Variants in RIMS1 observed in about 807,000 individuals in gnomAD.
RIMS1 encodes regulating synaptic membrane exocytosis protein 1.
A neutral mutation model predicts 214.1 loss-of-function variants in RIMS1; 83 were observed. The ratio of observed to expected loss-of-function variants is 0.39; its 90% CI spans 0.32 to 0.47. The LOEUF (loss-of-function observed/expected upper bound fraction) is 0.47. Among genes scored for constraint, RIMS1 ranks in the 20% least tolerant of loss-of-function variants. RIMS1 has a pLI of 0.99. For synonymous variants in RIMS1, 793 were observed against 786.8 expected, an observed-to-expected ratio of 1.01 and a Z score of -0.13; for missense variants, 2,050 against 2,161.8, an observed-to-expected ratio of 0.95 and a Z score of 1.03.
At chr6:72,384,629 A>G (rs12193001) in intron 29 of RIMS1, among the ~76,000 whole-genome samples, 25,805 of 152,118 alleles carry the variant, frequency 0.17, 2,696 homozygotes, top group Non-Finnish European at 0.23. Flanking sequence ...CTGTGGGAAT[A>G]TTCCAAGCTC....
At chr6:72,238,457 G>A (rs1474202354) in intron 9 of RIMS1, among the ~76,000 whole-genome samples, 1 of 152,004 alleles carries the variant, frequency 6.6e-6, no homozygotes, top group Non-Finnish European at 1.5e-5. Context: ...AGTGACTCAT[G>A]TAGATGTGCT....
intron 22 of RIMS1, among the ~76,000 whole-genome samples, chr6:72,267,626 T>C (rs1478836930): frequency 1.3e-5 from 2 of 152,150 alleles, no homozygotes; most frequent in African/African-American, 4.8e-5. Context: ...CACTTTGGAC[T>C]AACCACATTA....
chr6:72,057,147 G>A (rs889245874), intron 2 of RIMS1, among the ~76,000 whole-genome samples: 5 of 152,048 alleles, frequency 3.3e-5, no homozygotes, highest in Admixed American at 3.3e-4. Context: ...ACCTGCATTT[G>A]TACCCCAAAC....
chr6:72,171,422 A>G (rs987074664), intron 4 of RIMS1, among the ~76,000 whole-genome samples: 12 of 151,720 alleles, frequency 7.9e-5, no homozygotes, highest in African/African-American at 2.9e-4. Context: ...ATGGGAAAAA[A>G]TAATTTTCTT....
chr6:72,100,960 T>C (rs1562312280), intron 4 of RIMS1, among the ~76,000 whole-genome samples: 1 of 152,026 alleles, frequency 6.6e-6, no homozygotes, highest in Non-Finnish European at 1.5e-5. Context: ...AATCTATTTT[T>C]GGTATTTATT....
rs530974033 is a variant in RIMS1, at chr6:72,398,551, G to A, written c.4720+201G>A. ...TTATTCTTTCAGAAGGTGTTAGGAA[G>A]TATGTTATAATATTTTTTTTAAAGT... is the stretch of plus-strand genomic sequence containing the variant. On this transcript the variant is annotated intron_variant, in intron 32 of 33. Coordinates refer to ENST00000521978, the MANE Select transcript of RIMS1 (RefSeq NM_014989.7). 1.1e-3 allele frequency among the ~76,000 whole-genome samples: 172 copies of A among 152,292 alleles called. 2 individuals carry two copies. The highest frequency in any genetic ancestry group is 2.1e-3 in the South Asian group (10 of 4,828).
At chr6:72,084,897 A>G (rs1363367801) in intron 2 of RIMS1, among the ~76,000 whole-genome samples, 5 of 152,140 alleles carry the variant, frequency 3.3e-5, no homozygotes, top group Non-Finnish European at 7.4e-5. Flanking sequence ...CCAACAATAG[A>G]AAAATATACA....
At chr6:71,989,069 A>G (rs1198796165) in intron 2 of RIMS1, among the ~76,000 whole-genome samples, 1 of 152,210 alleles carries the variant, frequency 6.6e-6, no homozygotes, top group Non-Finnish European at 1.5e-5. Flanking sequence ...AGACTAATGT[A>G]TAAACAATGG....
Position 72,088,351 on chromosome 6 carries a change from C to T in RIMS1, c.246-8598C>T, listed in dbSNP as rs575754579. Among the ~76,000 whole-genome samples the T allele has an allele frequency of 2.0e-5, 3 of 152,008 alleles. No individual in the cohort carries two copies. In the South Asian group the frequency reaches 6.2e-4, roughly 32 times the overall value. On this transcript the variant is annotated intron_variant, in intron 2 of 33. Coordinates refer to ENST00000521978, the MANE Select transcript of RIMS1 (RefSeq NM_014989.7). ...GCAACCTTTGCCTCCCAGGTTCAAG[C>T]GATTCTCCTGCCTCAGCTTTCTGAG...
intron 24 of RIMS1, 74 bp from the exon 25 acceptor site, chr6:72,290,605 T>G: frequency 1.5e-6 from 2 of 1,350,672 alleles, no homozygotes; most frequent in Non-Finnish European, 2.0e-6. Context: ...CAGGTTTTCC[T>G]TGGACAAATG....
chr6:72,055,974 G>A (rs1052085458), intron 2 of RIMS1, among the ~76,000 whole-genome samples: 9 of 152,052 alleles, frequency 5.9e-5, no homozygotes, highest in African/African-American at 1.9e-4. Flanking sequence ...TATGTTCATC[G>A]CAGCAGTATT....
intron 28 of RIMS1, among the ~76,000 whole-genome samples, chr6:72,330,367 T>C (rs560237116): frequency 6.6e-6 from 1 of 151,792 alleles, no homozygotes; most frequent in South Asian, 2.1e-4. Flanking sequence ...CAGCAAAAAG[T>C]CTACAAGAAG....
At chr6:72,187,861 G>GTA (rs1173251976) in intron 6 of RIMS1, among the ~76,000 whole-genome samples, 1 of 152,100 alleles carries the variant, frequency 6.6e-6, no homozygotes, top group Admixed American at 6.6e-5. Flanking sequence ...CAGGATAGAT[G>GTA]TATATATAAA....
chr6:72,097,131 G>A lies in RIMS1; in HGVS notation c.428G>A (p.Cys143Tyr). 6.2e-7 allele frequency: 1 copy of A among 1,613,982 alleles called. No homozygotes were observed. The highest frequency in any genetic ancestry group is 8.5e-7 in the Non-Finnish European group (1 of 1,179,872). ...SYCRTKFCARCGGRVSLRSNN... is the reference protein window; with the variant it reads ...SYCRTKFCARYGGRVSLRSNN... Reference sequence around the variant, plus strand: ...TGTCGCACTAAGTTCTGTGCGCGCTGCGGAGGCCGCGTGTCTCTACGGTCA... The same window carrying A: ...TGTCGCACTAAGTTCTGTGCGCGCTACGGAGGCCGCGTGTCTCTACGGTCA... The change falls in exon 3 of 34, where the codon TGC becomes TAC. Residue 143 changes from cysteine (C) to tyrosine (Y), a missense_variant. Coordinates refer to ENST00000521978, the MANE Select transcript of RIMS1 (RefSeq NM_014989.7).
intron 6 of RIMS1, among the ~76,000 whole-genome samples, chr6:72,233,079 A>G (rs1018123800): frequency 6.6e-6 from 1 of 151,844 alleles, no homozygotes; most frequent in Non-Finnish European, 1.5e-5. Flanking sequence ...TTCATCCTAT[A>G]CAAATACTGA....
intron 1 of RIMS1, among the ~76,000 whole-genome samples, chr6:71,906,867 T>C (rs1328349765): frequency 6.6e-6 from 1 of 152,206 alleles, no homozygotes; most frequent in Admixed American, 6.5e-5. Context: ...AACTTTTGGC[T>C]ATAATAATGA....
intron 2 of RIMS1, among the ~76,000 whole-genome samples, chr6:71,971,723 C>T (rs572144474): frequency 6.6e-6 from 1 of 152,132 alleles, no homozygotes; most frequent in Non-Finnish European, 1.5e-5. Context: ...AAGAGAAGAG[C>T]TTGTGCAGGG....
At chr6:71,961,529 G>A (rs1032110668) in intron 1 of RIMS1, among the ~76,000 whole-genome samples, 3 of 151,878 alleles carry the variant, frequency 2.0e-5, no homozygotes, top group African/African-American at 4.8e-5. Flanking sequence ...ATCTATGTTT[G>A]TAGCAATTAT....
chr6:72,344,598 GTTCT>G (rs1594573617), intron 29 of RIMS1, among the ~76,000 whole-genome samples: 1 of 151,664 alleles, frequency 6.6e-6, no homozygotes, highest in Non-Finnish European at 1.5e-5. Context: ...AATATTTCAT[GTTCT>G]TTGTTTCCTG....
Sources: allele counts gnomAD v4.1 joint callset (sites outside exome capture counted in the v4.1 genomes callset), GRCh38; gene constraint gnomAD v4.1.1; transcripts MANE v1.5; gene names NCBI Gene and HGNC (gene_info 2026-07-23, HGNC 2026-07-21).